The following CCKBR variants were observed in gnomAD, a reference collection of about 807,000 sequenced individuals.
CCKBR encodes cholecystokinin B receptor.
Under a neutral mutation model 34.6 loss-of-function variants are expected in CCKBR, and 33 were observed. The observed-to-expected ratio is 0.95, with a 90% CI of 0.72 to 1.27. The LOEUF is 1.27. Among genes scored for constraint, CCKBR ranks in the 50% most tolerant of loss-of-function variants. The pLI is 0.00. For synonymous variants in CCKBR, 269 were observed against 267.5 expected (o/e 1.01, Z -0.06); for missense variants, 652 against 617.4 (o/e 1.06, Z -0.59).
chr11:6,261,462 T>TATATATATATATATATACACACACAC (rs764173521), intron 1 of CCKBR, among the ~76,000 whole-genome samples: 1 of 64,016 alleles, frequency 1.6e-5, no homozygotes, highest in African/African-American at 6.0e-5. Flanking sequence ...AAAATATATA[T>TATATATATATATATATACACACACAC]ACACACACAC....
At chr11:6,264,455 C>G (rs775411962) in intron 1 of CCKBR, 1 of 649,104 alleles carries the variant, frequency 1.5e-6, no homozygotes, top group South Asian at 1.7e-5. Flanking sequence ...TGCACTCATA[C>G]TTCTCTGCCA....
rs758397529 is a variant in CCKBR at position 6,270,317 on chromosome 11, T to C, written c.633T>C (p.Ser211=). Residue 211 remains serine (S), a synonymous_variant, in exon 3 of 5, where the codon AGT becomes AGC. Transcript: ENST00000334619. The part of the protein sequence containing the change: ...RVLQCVHRWP[S]ARVRQTWSVL... ...TGCAGTGCGTGCATCGCTGGCCCAGTGCGCGGGTCCGCCAGACCTGGTGAG... is the reference window on the plus strand; with the variant it reads ...TGCAGTGCGTGCATCGCTGGCCCAGCGCGCGGGTCCGCCAGACCTGGTGAG... The C allele has an allele frequency of 1.2e-6, 2 of 1,612,754 alleles. No individual in the cohort carries two copies. The highest frequency in any genetic ancestry group is 3.3e-5 in the Admixed American group (2 of 59,998).
At chr11:6,260,102 C>T (rs780613205) in intron 1 of CCKBR, 23 bp downstream of exon 1, 6 of 1,569,078 alleles carry the variant, frequency 3.8e-6, no homozygotes, top group Non-Finnish European at 5.2e-6. Flanking sequence ...CTCAGCCCCC[C>T]CCACAAGCTA....
chr11:6,267,764 G>A (rs149307527), intron 1 of CCKBR, among the ~76,000 whole-genome samples: 3 of 152,238 alleles, frequency 2.0e-5, no homozygotes, highest in African/African-American at 7.2e-5. Context: ...AAACACATAC[G>A]TAATGCATTA....
chr11:6,261,454 AAT>A (rs1554918943), intron 1 of CCKBR, among the ~76,000 whole-genome samples: 54 of 60,886 alleles, frequency 8.9e-4, no homozygotes, highest in South Asian at 1.4e-3. Context: ...AAAAAAAAAA[AAT>A]ATATATACAC....
chr11:6,269,798 T>C lies in CCKBR; in HGVS notation c.281T>C (p.Leu94Pro), dbSNP rs1320877717. 6.2e-7 allele frequency: 1 copy of C among 1,614,130 alleles called. No homozygotes were observed. Among genetic ancestry groups the C allele is most frequent in the Admixed American group, 1.7e-5 (1 of 60,020 alleles). ...AGGACTGTCACCAATGCCTTCCTCC[T>C]CTCACTGGCAGTCAGCGACCTCCTG... is the stretch of plus-strand genomic sequence containing the variant. The part of the protein sequence containing the change: ...RLRTVTNAFL[L>P]SLAVSDLLLA... The change falls in exon 2 of 5, where the codon CTC (leucine) becomes CCC (proline). Residue 94 changes from leucine (L) to proline (P), a missense_variant. Coordinates refer to ENST00000334619, the MANE Select transcript of CCKBR (RefSeq NM_176875.4).
In CCKBR at chr11:6,271,553, G is replaced by A. The variant is rs201108874; in HGVS notation, c.*10G>A. ...ACTGGGCCCTGGCTGAGGAGTAGAG[G>A]GGCCGTGGGGGTTGAGGCAGGGCAA... is the stretch of plus-strand genomic sequence containing the variant. On this transcript the variant is annotated 3_prime_UTR_variant, in exon 5 of 5. Coordinates refer to ENST00000334619, the MANE Select transcript of CCKBR (RefSeq NM_176875.4). The A allele has an allele frequency of 2.0e-5, 32 of 1,570,044 alleles. No individual in the cohort carries two copies. Among genetic ancestry groups the A allele is most frequent in the South Asian group, 5.7e-5 (5 of 87,072 alleles).
intron 1 of CCKBR, among the ~76,000 whole-genome samples, chr11:6,263,962 A>G (rs906781667): frequency 3.9e-5 from 6 of 152,238 alleles, no homozygotes; most frequent in African/African-American, 1.4e-4. Flanking sequence ...AATGTTATCT[A>G]CAGAGAGTTG....
chr11:6,261,450 A>ATATATATAT (rs1228835875), intron 1 of CCKBR, among the ~76,000 whole-genome samples: 3 of 32,200 alleles, frequency 9.3e-5, no homozygotes, highest in African/African-American at 1.6e-4. Context: ...AAAAAAAAAA[A>ATATATATAT]AAAAATATAT....
chr11:6,264,739 A>ACACG, intron 1 of CCKBR: 1 of 501,192 alleles, frequency 2.0e-6, no homozygotes, highest in South Asian at 3.2e-5. Context: ...ACACACACAC[A>ACACG]CACACGCATA....
At position 6,269,664 on chromosome 11, in the gene CCKBR, C is replaced by T. The variant is rs1443117361; in HGVS notation, c.152-5C>T. The T allele has an allele frequency of 1.9e-6, 3 of 1,611,760 alleles. No homozygotes were observed. The South Asian group carries it at 3.3e-5, about 18-fold the overall frequency. ...CTACTGCCACCTCTCCCTTTTCTTA[C>T]CCAGAATTGGAGCTGGCCATTAGAA... On this transcript the variant is annotated splice_polypyrimidine_tract_variant and splice_region_variant and intron_variant, in intron 1 of 4. Coordinates refer to ENST00000334619, the MANE Select transcript of CCKBR (RefSeq NM_176875.4).
rs1848102383 is a variant in CCKBR, at chr11:6,259,966, C to T, written c.38C>T (p.Thr13Ile). ...LLKLNRSVQG[T>I]GPGPGASLCR... ...AAGCTGAACCGGAGCGTGCAGGGAA[C>T]CGGACCCGGGCCGGGGGCTTCCCTG... Residue 13 changes from threonine to isoleucine, a missense_variant, in exon 1 of 5, where the codon ACC becomes ATC. By Grantham distance (89) the Thr-to-Ile change is moderately conservative. Transcript: ENST00000334619. The T allele has an allele frequency of 5.8e-6, 9 of 1,546,516 alleles. No homozygotes were observed. The highest frequency in any genetic ancestry group is 7.8e-6 in the Non-Finnish European group (9 of 1,151,198).
In CCKBR at chr11:6,260,077, G is replaced by C. The variant is rs1192633727; in HGVS notation, c.149G>C (p.Arg50Pro). ...CCTCGCATTCGCGGAGCCGGGACAC[G>C]AGGTGGGTGCCTCCCTCAGCCCCCC... The part of the protein sequence containing the change: ...EPPRIRGAGT[R>P]ELELAIRITL... The change falls in exon 1 of 5, where the codon CGA (arginine) becomes CCA (proline). Residue 50 changes from arginine (R) to proline (P), a missense_variant and splice_region_variant. By Grantham distance (103) the Arg-to-Pro change is moderately radical. Coordinates refer to ENST00000334619, the MANE Select transcript of CCKBR (RefSeq NM_176875.4). The C allele has an allele frequency of 6.3e-7, 1 of 1,590,958 alleles. No individual in the cohort carries two copies. Among genetic ancestry groups the C allele is most frequent in the Non-Finnish European group, 8.5e-7 (1 of 1,172,420 alleles).
chr11:6,264,412 G>T (rs1320548224), intron 1 of CCKBR: 2 of 603,690 alleles, frequency 3.3e-6, no homozygotes, highest in African/African-American at 1.9e-5. Flanking sequence ...AGAAAGTCTT[G>T]GTTTTCATTT....
chr11:6,264,641 C>T, intron 1 of CCKBR: 1 of 667,996 alleles, frequency 1.5e-6, no homozygotes, highest in South Asian at 1.7e-5. Flanking sequence ...CAGGTGCTAT[C>T]TCCCATCCTT....
At chr11:6,265,214 G>C (rs76694738) in intron 1 of CCKBR, among the ~76,000 whole-genome samples, 3,890 of 152,266 alleles carry the variant, frequency 0.026, 126 homozygotes, top group African/African-American at 0.075. Context: ...CTGGAAATAA[G>C]ATAATAGCTA....
In CCKBR at chr11:6,261,454, A is replaced by AAAAAT. The variant is rs1447691939; in HGVS notation, c.151+1376_151+1377insAAATA. 2.8e-4 allele frequency among the ~76,000 whole-genome samples: 17 copies of AAAAAT among 60,886 alleles called. 1 individual carries two copies. The highest frequency in any genetic ancestry group is 2.1e-3 in the South Asian group (3 of 1,432). 39.9% of individuals were successfully genotyped at this position (60,886 alleles called of 152,430 possible). On this transcript the variant is annotated intron_variant, in intron 1 of 4. Coordinates refer to ENST00000334619, the MANE Select transcript of CCKBR (RefSeq NM_176875.4). Reference sequence around the variant, plus strand: ...GTTGGCAAAAAAAAAAAAAAAAAAAAATATATATACACACACACACACACA... The same window carrying AAAAAT: ...GTTGGCAAAAAAAAAAAAAAAAAAAAAAAATATATATATACACACACACACACACA...
chr11:6,265,504 G>GA (rs34447901), intron 1 of CCKBR, among the ~76,000 whole-genome samples: 26,788 of 152,068 alleles, frequency 0.18, 2,443 homozygotes, highest in Middle Eastern at 0.31. Flanking sequence ...AAGACATCCA[G>GA]GGCAGATGTA....
intron 1 of CCKBR, among the ~76,000 whole-genome samples, 182 bp downstream of exon 1, chr11:6,260,261 C>G (rs1848110343): frequency 6.6e-6 from 1 of 151,944 alleles, no homozygotes; most frequent in African/African-American, 2.4e-5. Flanking sequence ...ACAACTTCAT[C>G]ACAGCTTCAC....
Sources: allele counts gnomAD v4.1 joint callset (sites outside exome capture counted in the v4.1 genomes callset), GRCh38; gene constraint gnomAD v4.1.1; transcripts MANE v1.5; gene names NCBI Gene and HGNC (gene_info 2026-07-23, HGNC 2026-07-21).